TMEM245: variants seen among roughly 807,000 people sequenced by gnomAD.
TMEM245 encodes the protein transmembrane protein 245, also known as protein CG-2.
In TMEM245, 69 loss-of-function variants were observed where a neutral mutation model predicts 101.2. The ratio of observed to expected loss-of-function variants is 0.68; its 90% CI spans 0.56 to 0.83. The LOEUF is 0.83. TMEM245 is among the 40% of genes least tolerant of loss of function. The probability of loss-of-function intolerance (pLI) is 0.00; values close to 1 mark genes in which losing one functional copy is unlikely to be tolerated. For missense variants in TMEM245, 1,075 were observed against 1,092.8 expected, an observed-to-expected ratio of 0.98 and a Z score of 0.23; for synonymous variants, 537 against 449.8, an observed-to-expected ratio of 1.19 and a Z score of -2.45.
chr9:109,097,794 G>C (rs1830179991), intron 3 of TMEM245, among the ~76,000 whole-genome samples: 1 of 152,056 alleles, frequency 6.6e-6, no homozygotes, highest in Admixed American at 6.6e-5. Flanking sequence ...GGTGGCGCAT[G>C]CTTGTAATCC....
intron 9 of TMEM245, among the ~76,000 whole-genome samples, chr9:109,066,196 G>A (rs895171219): frequency 3.9e-5 from 6 of 152,186 alleles, no homozygotes; most frequent in Admixed American, 1.3e-4. Context: ...GCTCATGCCT[G>A]TAATCCCAGC....
rs1827564367 is a variant in TMEM245 at position 109,019,784 on chromosome 9, T to G, written c.*676A>C. The G allele has an allele frequency of 6.6e-6, 1 of 152,574 alleles. No homozygotes were observed. The allele number at this position is 152,574 out of a possible 1,614,324, so 9.5% of individuals were successfully genotyped here. On this transcript the variant is annotated 3_prime_UTR_variant, in exon 18 of 18. Coordinates refer to ENST00000374586, the MANE Select transcript of TMEM245 (RefSeq NM_032012.4). The stretch of plus-strand genomic sequence containing the variant: ...TCACTTCAACGTGGTCAGCCAAGTT[T>G]TATAATTTGGCAATAGTGTAAAGAA...
chr9:109,118,629 T>C (rs567841280), intron 1 of TMEM245, among the ~76,000 whole-genome samples: 24 of 152,380 alleles, frequency 1.6e-4, no homozygotes, highest in African/African-American at 5.5e-4. Context: ...CGCGGTCAGC[T>C]GCTTTACTCC....
chr9:109,024,810 GA>G (rs2132278678), intron 17 of TMEM245, among the ~76,000 whole-genome samples: 1 of 152,348 alleles, frequency 6.6e-6, no homozygotes, highest in East Asian at 1.9e-4. Context: ...GAAGTAGAGA[GA>G]AGAAAGGCAT....
intron 17 of TMEM245, among the ~76,000 whole-genome samples, chr9:109,030,735 T>C (rs1200472653): frequency 1.3e-5 from 2 of 152,320 alleles, no homozygotes; most frequent in East Asian, 3.9e-4. Flanking sequence ...CCTCTCCTTT[T>C]ATTCTTTTGG....
chr9:109,073,139 A>G (rs976553959), intron 9 of TMEM245: 2 of 531,528 alleles, frequency 3.8e-6, no homozygotes, highest in Non-Finnish European at 6.8e-6. Context: ...AAAACAAAGT[A>G]TCATTTACCA....
At chr9:109,107,069 T>G (rs950287456) in intron 2 of TMEM245, among the ~76,000 whole-genome samples, 1 of 151,966 alleles carries the variant, frequency 6.6e-6, no homozygotes, top group Middle Eastern at 3.4e-3. Flanking sequence ...CATCAATGTC[T>G]CCTCCTCAGT....
chr9:109,080,944 C>G lies in TMEM245; in HGVS notation c.1345-1G>C. The G allele has an allele frequency of 1.3e-6, 2 of 1,577,980 alleles. No individual in the cohort carries two copies. Among genetic ancestry groups the G allele is most frequent in the Non-Finnish European group, 8.7e-7 (1 of 1,152,434 alleles). ...ACATCTTCTCCAACCAGATGATCAT[C>G]TGCACAAAAACGAAAAAGAGAATTA... is the stretch of plus-strand genomic sequence containing the variant. On this transcript the variant is annotated splice_acceptor_variant, in intron 7 of 17. Transcript: ENST00000374586. LOFTEE classifies it high-confidence loss of function.
At chr9:109,058,409 T>C (rs117806271) in intron 11 of TMEM245, among the ~76,000 whole-genome samples, 1,537 of 152,092 alleles carry the variant, frequency 0.01, 11 homozygotes, top group Non-Finnish European at 0.013. Flanking sequence ...CTGGAAGACA[T>C]TGGCAGAGAT....
At chr9:109,039,715 A>ATT (rs1158477244) in intron 14 of TMEM245, among the ~76,000 whole-genome samples, 1 of 152,160 alleles carries the variant, frequency 6.6e-6, no homozygotes, top group African/African-American at 2.4e-5. Context: ...AAGACAAAGA[A>ATT]ATACCAGCCA....
chr9:109,071,462 A>G (rs1042175819), intron 9 of TMEM245, among the ~76,000 whole-genome samples: 2 of 151,658 alleles, frequency 1.3e-5, no homozygotes, highest in Non-Finnish European at 2.9e-5. Flanking sequence ...AAATTAGCCG[A>G]GTATAGTGGC....
Position 109,119,707 on chromosome 9 carries a change from G to C in TMEM245, c.207C>G (p.Ala69=). 6.5e-7 allele frequency: 1 copy of C among 1,549,894 alleles called. No homozygotes were observed. The highest frequency in any genetic ancestry group is 8.7e-7 in the Non-Finnish European group (1 of 1,151,906). Residue 69 remains alanine, a synonymous_variant, in exon 1 of 18, where the codon GCC becomes GCG. Transcript: ENST00000374586. The stretch of plus-strand genomic sequence containing the variant: ...CCAGGATGAAGTAGACCAGCACCGC[G>C]GCGCCGCAGCACAGGCACACGAACA... ...AVLFVCLCCG[A]AVLVYFILEA...
At chr9:109,108,372 A>T in intron 2 of TMEM245, 81 bp downstream of exon 2, 1 of 649,078 alleles carries the variant, frequency 1.5e-6, no homozygotes, top group African/African-American at 1.9e-5. Context: ...ACTACAAAAA[A>T]TTCACTTTCA....
At chr9:109,041,975 C>A (rs953096577) in intron 14 of TMEM245, among the ~76,000 whole-genome samples, 1 of 152,044 alleles carries the variant, frequency 6.6e-6, no homozygotes, top group East Asian at 1.9e-4. Context: ...ACTATAACCA[C>A]AAAAAATTAG....
intron 9 of TMEM245, among the ~76,000 whole-genome samples, chr9:109,071,495 T>C (rs778828233): frequency 1.3e-5 from 2 of 151,590 alleles, no homozygotes; most frequent in African/African-American, 2.4e-5. Context: ...TCCCAGCTAC[T>C]CAGGAGACTA....
chr9:109,050,552 T>TTA lies in TMEM245; in HGVS notation c.1977+16_1977+17dup. The TTA allele has an allele frequency of 6.2e-7, 1 of 1,613,930 alleles. No homozygotes were observed. Among genetic ancestry groups the TTA allele is most frequent in the Non-Finnish European group, 8.5e-7 (1 of 1,179,966 alleles). On this transcript the variant is annotated intron_variant, in intron 13 of 17. Transcript: ENST00000374586. ...ACAGGGAAGGAAATATGACGTGTAC[T>TTA]TATCTATGTGGACGTACCAGAGAGA...
At chr9:109,108,066 C>T (rs1453919583) in intron 2 of TMEM245, among the ~76,000 whole-genome samples, 2 of 152,134 alleles carry the variant, frequency 1.3e-5, no homozygotes, top group African/African-American at 2.4e-5. Context: ...AGCCCCAGTT[C>T]CCTCCTCTTA....
At chr9:109,057,151 TA>T (rs1828862889) in intron 12 of TMEM245, 39 bp downstream of exon 12, 1 of 1,595,590 alleles carries the variant, frequency 6.3e-7, no homozygotes, top group Non-Finnish European at 8.6e-7. Flanking sequence ...AGTTTGTTTT[TA>T]TTTTGAACTT....
intron 9 of TMEM245, among the ~76,000 whole-genome samples, chr9:109,066,452 CAAAAAA>C (rs386415818): frequency 3.2e-4 from 17 of 52,480 alleles, no homozygotes; most frequent in Admixed American, 1.3e-3. Flanking sequence ...AAGACTGTCT[CAAAAAA>C]AAAAAAAAAA....
Sources: gnomAD v4.1 joint callset for allele counts (sites outside exome capture counted in the v4.1 genomes callset) on GRCh38, gnomAD v4.1.1 for gene constraint, MANE v1.5 for transcripts, NCBI Gene and HGNC (gene_info 2026-07-23, HGNC 2026-07-21) for gene names.